FRY: variants seen among roughly 807,000 people sequenced by gnomAD.
The protein encoded by FRY is protein furry homolog.
FRY carries 128 observed loss-of-function variants against 348.4 expected under a neutral mutation model. The observed-to-expected ratio is 0.37, with a 90% CI of 0.32 to 0.43. FRY has a LOEUF of 0.43. Among genes scored for constraint, FRY ranks in the 20% least tolerant of loss-of-function variants. The pLI, the probability that FRY is intolerant of heterozygous loss-of-function variation, is 1.00. For synonymous variants in FRY, 1,370 were observed against 1,374.7 expected (o/e 1.00, Z 0.08); for missense variants, 2,736 against 3,695.2 (o/e 0.74, Z 6.73).
intron 5 of FRY, 23 bp downstream of exon 5, chr13:32,124,399 CT>C (rs752476019): frequency 5.5e-6 from 7 of 1,270,234 alleles, no homozygotes; most frequent in Non-Finnish European, 8.0e-6. Context: ...TTTATTGTTA[CT>C]TTTAGATAAT....
intron 35 of FRY, among the ~76,000 whole-genome samples, chr13:32,218,396 G>C (rs548259893): frequency 6.6e-6 from 1 of 152,116 alleles, no homozygotes. Context: ...GAGTAAGAGC[G>C]TAGGCTGGGC....
chr13:32,088,516 A>G (rs1167179242), intron 2 of FRY, among the ~76,000 whole-genome samples: 4 of 152,230 alleles, frequency 2.6e-5, no homozygotes, highest in Non-Finnish European at 5.9e-5. Context: ...AAAAAGATTC[A>G]ATTTAACTGC....
rs1035442829 is a variant in FRY, at chr13:32,247,189, C to T, written c.6829-134C>T. 7.1e-6 allele frequency: 5 copies of T among 701,504 alleles called. No homozygotes were observed. The Admixed American group carries it at 7.4e-5, about 10-fold the overall frequency. The allele number at this position is 701,504 out of a possible 1,614,324, so 43.5% of individuals were successfully genotyped here. On this transcript the variant is annotated intron_variant, in intron 47 of 60. Transcript: ENST00000542859. The stretch of plus-strand genomic sequence containing the variant: ...TTTTTATGTCATTTGCCTTTTACTT[C>T]TCATGGAACCTGCTGCGCTGTTTTA...
chr13:32,183,269 C>T (rs1451413862), intron 24 of FRY, among the ~76,000 whole-genome samples: 2 of 152,184 alleles, frequency 1.3e-5, no homozygotes, highest in African/African-American at 4.8e-5. Flanking sequence ...TTAAAATACT[C>T]ATGTTTGTCA....
At chr13:32,091,108 C>T (rs575902548) in intron 2 of FRY, among the ~76,000 whole-genome samples, 40 of 152,096 alleles carry the variant, frequency 2.6e-4, no homozygotes, top group Non-Finnish European at 4.6e-4. Context: ...TTTATTATTT[C>T]GCTTAAGAAA....
intron 58 of FRY, among the ~76,000 whole-genome samples, chr13:32,281,027 C>A (rs1304305888): frequency 1.3e-5 from 2 of 152,156 alleles, no homozygotes; most frequent in African/African-American, 4.8e-5. Flanking sequence ...ATTTCCTATT[C>A]GTGCACCTCT....
chr13:32,123,921 G>A lies in FRY; in HGVS notation c.465-365G>A, dbSNP rs145375864. Among the ~76,000 whole-genome samples, 447 of 152,146 alleles carry A rather than the reference G, an allele frequency of 2.9e-3. 1 individual carries two copies. The highest frequency in any genetic ancestry group is 0.01 in the African/African-American group (433 of 41,508). ...TCTCAGCTTACTGCAACCTCCGTCCGCCTCCCGGGTTCAGACGATTCTCCT... is the reference window on the plus strand; with the variant it reads ...TCTCAGCTTACTGCAACCTCCGTCCACCTCCCGGGTTCAGACGATTCTCCT... On this transcript the variant is annotated intron_variant, in intron 4 of 60. Coordinates refer to ENST00000542859, the MANE Select transcript of FRY (RefSeq NM_023037.3).
chr13:32,262,402 T>C lies in FRY; in HGVS notation c.7706T>C (p.Phe2569Ser), dbSNP rs1374844073. The change falls in exon 53 of 61, where the codon TTT (phenylalanine) becomes TCT (serine). Residue 2569 changes from phenylalanine (F) to serine (S), a missense_variant. Phe to Ser is a radical substitution (Grantham distance 155). Coordinates refer to ENST00000542859, the MANE Select transcript of FRY (RefSeq NM_023037.3). ...TCGACCCCTGCAGAACCTCATTCCT[T>C]TAACACCAGAATGTCCAGCTTTGAT... ...CDSTPAEPHS[F>S]NTRMSSFDAS... 6.2e-7 allele frequency: 1 copy of C among 1,613,596 alleles called. No homozygotes were observed. Among genetic ancestry groups the C allele is most frequent in the Admixed American group, 1.7e-5 (1 of 60,006 alleles).
intron 59 of FRY, among the ~76,000 whole-genome samples, chr13:32,291,014 C>T (rs1181972748): frequency 2.6e-5 from 4 of 152,002 alleles, no homozygotes; most frequent in Non-Finnish European, 4.4e-5. Flanking sequence ...GCTTAAACGG[C>T]GACTGACCTC....
chr13:32,048,401 T>C (rs1170562313), intron 1 of FRY, among the ~76,000 whole-genome samples: 1 of 152,198 alleles, frequency 6.6e-6, no homozygotes, highest in Admixed American at 6.5e-5. Flanking sequence ...AATTGTACCA[T>C]TGTGTTCACA....
intron 1 of FRY, among the ~76,000 whole-genome samples, chr13:32,053,921 CG>C (rs1873482315): frequency 6.6e-6 from 1 of 151,992 alleles, no homozygotes. Flanking sequence ...ACCCAGGATG[CG>C]GAGGTTGCAA....
At chr13:32,203,614 T>C (rs1353769242) in intron 31 of FRY, among the ~76,000 whole-genome samples, 1 of 151,998 alleles carries the variant, frequency 6.6e-6, no homozygotes, top group African/African-American at 2.4e-5. Flanking sequence ...TCCCAGCTAC[T>C]CAGGAGGCTG....
chr13:32,262,517 A>C, intron 53 of FRY, 42 bp downstream of exon 53: 2 of 1,500,670 alleles, frequency 1.3e-6, no homozygotes, highest in Non-Finnish European at 1.9e-6. Context: ...TTCCCTTAAA[A>C]CCCTTAAAAA....
Position 32,257,483 on chromosome 13 carries a change from G to A in FRY, c.7416+3089G>A, listed in dbSNP as rs116542354. Among the ~76,000 whole-genome samples the A allele has an allele frequency of 4.2e-3, 643 of 152,320 alleles. 2 individuals are homozygous for A. Among genetic ancestry groups the A allele is most frequent in the African/African-American group, 0.015 (605 of 41,562 alleles). The stretch of plus-strand genomic sequence containing the variant: ...CTTTTTAGAATCTTTAAAAGGTGTT[G>A]TGTCTTTGCTATTAATTGCATATGA... On this transcript the variant is annotated intron_variant, in intron 51 of 60. Coordinates refer to ENST00000542859, the MANE Select transcript of FRY (RefSeq NM_023037.3).
chr13:32,285,479 T>G (rs1417208182), intron 58 of FRY, among the ~76,000 whole-genome samples: 1 of 152,166 alleles, frequency 6.6e-6, no homozygotes, highest in Non-Finnish European at 1.5e-5. Context: ...AAAACACTGT[T>G]TTGTGCCCTG....
intron 4 of FRY, among the ~76,000 whole-genome samples, chr13:32,122,967 G>C (rs657020): frequency 0.45 from 68,371 of 151,410 alleles, 16,011 homozygotes; most frequent in South Asian, 0.62. Flanking sequence ...AAAATACTTA[G>C]GAATATACCT....
chr13:32,227,156 A>G lies in FRY; in HGVS notation c.5206+1182A>G, dbSNP rs184484924. Among the ~76,000 whole-genome samples the G allele has an allele frequency of 1.9e-3, 295 of 152,360 alleles. 2 individuals carry two copies. The highest frequency in any genetic ancestry group is 3.1e-3 in the Admixed American group (48 of 15,310). On this transcript the variant is annotated intron_variant, in intron 39 of 60. Coordinates refer to ENST00000542859, the MANE Select transcript of FRY (RefSeq NM_023037.3). Reference sequence around the variant, plus strand: ...TACCAAAAACGCATACAATATTCATAGGCAAGACAAACAGTAGATAGCTAA... The same window carrying G: ...TACCAAAAACGCATACAATATTCATGGGCAAGACAAACAGTAGATAGCTAA...
chr13:32,039,878 G>A (rs970462086), intron 1 of FRY, among the ~76,000 whole-genome samples: 3 of 152,150 alleles, frequency 2.0e-5, no homozygotes, highest in Admixed American at 1.3e-4. Flanking sequence ...TGCATTAAGT[G>A]CTTTTATCAA....
At position 32,178,841 on chromosome 13, in the gene FRY, T is replaced by C; in HGVS notation, c.2682-3T>C. ...ACTCTTGTTTTCGACTCCATATTTC[T>C]AGTAGCCCAATTAATGCCAAGAAAA... On this transcript the variant is annotated splice_polypyrimidine_tract_variant and splice_region_variant and intron_variant, in intron 21 of 60. Coordinates refer to ENST00000542859, the MANE Select transcript of FRY (RefSeq NM_023037.3). 3 of 1,604,394 alleles carry C rather than the reference T, an allele frequency of 1.9e-6. No homozygotes were observed. Among genetic ancestry groups the C allele is most frequent in the Non-Finnish European group, 2.6e-6 (3 of 1,171,088 alleles).
Sources: gnomAD v4.1 joint callset for allele counts (sites outside exome capture counted in the v4.1 genomes callset) on GRCh38, gnomAD v4.1.1 for gene constraint, MANE v1.5 for transcripts, NCBI Gene and HGNC (gene_info 2026-07-23, HGNC 2026-07-21) for gene names.